SQOR: variants seen among roughly 807,000 people sequenced by gnomAD.
SQOR encodes sulfide:quinone oxidoreductase, mitochondrial.
A neutral mutation model predicts 48.6 loss-of-function variants in SQOR; 39 were observed. The observed-to-expected ratio is 0.80, with a 90% CI of 0.62 to 1.05. SQOR has a LOEUF of 1.05. Among genes scored for constraint, SQOR ranks in the 50% least tolerant of loss-of-function variants. The pLI is 0.00. For synonymous variants in SQOR, 220 were observed against 206.2 expected, an observed-to-expected ratio of 1.07 and a Z score of -0.57; for missense variants, 561 against 559.9, an observed-to-expected ratio of 1.00 and a Z score of -0.02.
chr15:45,654,976 A>G (rs1256237995), intron 1 of SQOR, among the ~76,000 whole-genome samples: 1 of 152,192 alleles, frequency 6.6e-6, no homozygotes, highest in Non-Finnish European at 1.5e-5. Context: ...CTTACTGTAC[A>G]CATGGCTGAC....
At chr15:45,659,203 T>A in intron 2 of SQOR, 46 bp downstream of exon 2, 1 of 1,372,122 alleles carries the variant, frequency 7.3e-7, no homozygotes, top group Non-Finnish European at 9.7e-7. Context: ...TACGTGTGTG[T>A]GTGTGTGAGT....
At chr15:45,689,344 C>G in intron 9 of SQOR, 127 bp downstream of exon 9, 1 of 794,296 alleles carries the variant, frequency 1.3e-6, no homozygotes, top group Non-Finnish European at 2.0e-6. Flanking sequence ...GCTCTAGGCC[C>G]TCTTTTGCTG....
At chr15:45,664,986 T>A (rs1294562659) in intron 3 of SQOR, among the ~76,000 whole-genome samples, 1 of 152,038 alleles carries the variant, frequency 6.6e-6, no homozygotes, top group Non-Finnish European at 1.5e-5. Context: ...ACCTTGCCAG[T>A]CTCCTGAACA....
At chr15:45,650,162 T>G (rs536146035) in intron 1 of SQOR, among the ~76,000 whole-genome samples, 1 of 151,810 alleles carries the variant, frequency 6.6e-6, no homozygotes, top group East Asian at 1.9e-4. Flanking sequence ...GCCTTTGCAA[T>G]GTGGTCTGGC....
At position 45,689,128 on chromosome 15, in the gene SQOR, C is replaced by G. The variant is rs772126400; in HGVS notation, c.1206C>G (p.Thr402=). ...ACTACAAAGCAGAGCCGCTAGAAAC[C>G]TTCCCCTTTGATCAAAGCAAAGAGC... is the stretch of plus-strand genomic sequence containing the variant. ...EFDYKAEPLE[T]FPFDQSKERL... Residue 402 remains threonine, a synonymous_variant, in exon 9 of 10, where the codon ACC becomes ACG. Coordinates refer to ENST00000260324, the MANE Select transcript of SQOR (RefSeq NM_021199.4). The G allele has an allele frequency of 6.2e-7, 1 of 1,614,148 alleles. No individual in the cohort carries two copies. The highest frequency in any genetic ancestry group is 8.5e-7 in the Non-Finnish European group (1 of 1,180,018).
At chr15:45,638,742 G>T (rs1287525163) in intron 1 of SQOR, among the ~76,000 whole-genome samples, 1 of 131,518 alleles carries the variant, frequency 7.6e-6, no homozygotes, top group South Asian at 2.4e-4. Flanking sequence ...AAGAAAGAAA[G>T]AAAAAAAAAA....
At chr15:45,647,838 G>A (rs1889370910) in intron 1 of SQOR, among the ~76,000 whole-genome samples, 2 of 152,062 alleles carry the variant, frequency 1.3e-5, no homozygotes, top group African/African-American at 4.8e-5. Context: ...AATCGCTTAA[G>A]CCCAGGAGGC....
At position 45,691,213 on chromosome 15, in the gene SQOR, G is replaced by T; in HGVS notation, c.*183G>T. 1.8e-6 allele frequency: 1 copy of T among 566,152 alleles called. No homozygotes were observed. The highest frequency in any genetic ancestry group is 2.6e-5 in the South Asian group (1 of 38,600). 35.1% of individuals were successfully genotyped at this position (566,152 alleles called of 1,614,324 possible). ...AGCAACCATGTGGGCTACTCATGAT[G>T]GGCTTGATTCTTTGGGAATAATAAA... On this transcript the variant is annotated 3_prime_UTR_variant, in exon 10 of 10. Coordinates refer to ENST00000260324, the MANE Select transcript of SQOR (RefSeq NM_021199.4).
At chr15:45,652,638 CTTTTTTT>C (rs757986564) in intron 1 of SQOR, among the ~76,000 whole-genome samples, 3 of 60,302 alleles carry the variant, frequency 5.0e-5, no homozygotes, top group Admixed American at 2.3e-4. Context: ...CGTGAGCCTC[CTTTTTTT>C]TTTTTTTTTT....
chr15:45,659,215 T>TGTGTGTGTGTGTGTGTGTGA (rs1595576421), intron 2 of SQOR, 58 bp downstream of exon 2: 2 of 1,179,388 alleles, frequency 1.7e-6, no homozygotes, highest in African/African-American at 3.2e-5. Flanking sequence ...TGTGTGAGTG[T>TGTGTGTGTGTGTGTGTGTGA]GTGTGTGTGT....
intron 5 of SQOR, among the ~76,000 whole-genome samples, chr15:45,675,778 T>C (rs1413061479): frequency 6.6e-6 from 1 of 152,186 alleles, no homozygotes; most frequent in Non-Finnish European, 1.5e-5. Flanking sequence ...GTTAAATATT[T>C]ATTGAGTAAA....
intron 1 of SQOR, among the ~76,000 whole-genome samples, chr15:45,644,829 A>G (rs113986652): frequency 1.2e-4 from 18 of 152,326 alleles, no homozygotes; most frequent in African/African-American, 3.8e-4. Context: ...CCCTGGAATA[A>G]TAAGGGCAGG....
At position 45,689,134 on chromosome 15, in the gene SQOR, C is replaced by T; in HGVS notation, c.1212C>T (p.Pro404=). ...AAGCAGAGCCGCTAGAAACCTTCCC[C>T]TTTGATCAAAGCAAAGAGCGCCTTT... The part of the protein sequence containing the change: ...DYKAEPLETF[P]FDQSKERLSM... The change falls in exon 9 of 10, where the codon CCC becomes CCT. Residue 404 remains proline (P), a synonymous_variant. Transcript: ENST00000260324. The T allele has an allele frequency of 6.2e-7, 1 of 1,614,170 alleles. No individual in the cohort carries two copies. Among genetic ancestry groups the T allele is most frequent in the Non-Finnish European group, 8.5e-7 (1 of 1,180,026 alleles).
chr15:45,674,371 C>T lies in SQOR; in HGVS notation c.654+570C>T, dbSNP rs1342756772. Among the ~76,000 whole-genome samples, 4 of 151,176 alleles carry T rather than the reference C, an allele frequency of 2.6e-5. No homozygotes were observed. In the East Asian group the frequency reaches 5.8e-4, roughly 22 times the overall value. On this transcript the variant is annotated intron_variant, in intron 5 of 9. Transcript: ENST00000260324. Reference sequence around the variant, plus strand: ...AGGAGAATTGCTCGAACCTGGGAGGCGGAGGTTGTGGTGAGCCAAGATTGT... The same window carrying T: ...AGGAGAATTGCTCGAACCTGGGAGGTGGAGGTTGTGGTGAGCCAAGATTGT...
At chr15:45,670,058 A>G in intron 4 of SQOR, 77 bp downstream of exon 4, 2 of 1,365,828 alleles carry the variant, frequency 1.5e-6, no homozygotes, top group South Asian at 1.2e-5. Context: ...TTGCTTTATT[A>G]TATTCATTTT....
intron 6 of SQOR, 75 bp downstream of exon 6, chr15:45,676,385 C>T (rs1890037614): frequency 7.3e-7 from 1 of 1,365,644 alleles, no homozygotes; most frequent in African/African-American, 1.4e-5. Context: ...GGGGCTCACA[C>T]CACCCTATCT....
chr15:45,682,866 A>G (rs1890149282), intron 7 of SQOR, among the ~76,000 whole-genome samples: 1 of 152,038 alleles, frequency 6.6e-6, no homozygotes, highest in Non-Finnish European at 1.5e-5. Flanking sequence ...CGTCTCTACT[A>G]AAAATACAAA....
At chr15:45,655,144 T>C (rs1266240602) in intron 1 of SQOR, among the ~76,000 whole-genome samples, 1 of 152,336 alleles carries the variant, frequency 6.6e-6, no homozygotes, top group African/African-American at 2.4e-5. Flanking sequence ...ACCCTCACTA[T>C]CTGCCTAAGT....
rs544969454 is a variant in SQOR, at chr15:45,659,375, G to A, written c.234+218G>A. Among the ~76,000 whole-genome samples, 28 of 152,152 alleles carry A rather than the reference G, an allele frequency of 1.8e-4. No homozygotes were observed. The South Asian group carries it at 3.3e-3, about 18-fold the overall frequency. On this transcript the variant is annotated intron_variant, in intron 2 of 9. Coordinates refer to ENST00000260324, the MANE Select transcript of SQOR (RefSeq NM_021199.4). ...GAGAACAGATCTCTTGGCTTTTAGT[G>A]TTCTCCTCTGTATTAGTTTCTTAGG...
Sources: gnomAD v4.1 joint callset for allele counts (sites outside exome capture counted in the v4.1 genomes callset) on GRCh38, gnomAD v4.1.1 for gene constraint, MANE v1.5 for transcripts, NCBI Gene and HGNC (gene_info 2026-07-23, HGNC 2026-07-21) for gene names.